ADGRB3: variants seen among roughly 807,000 people sequenced by gnomAD.
ADGRB3 encodes brain-specific angiogenesis inhibitor 3.
A neutral mutation model predicts 193.4 loss-of-function variants in ADGRB3; 37 were observed. The ratio of observed to expected loss-of-function variants is 0.19; its 90% CI spans 0.15 to 0.25. The LOEUF (loss-of-function observed/expected upper bound fraction) is 0.25. Among genes scored for constraint, ADGRB3 ranks in the 10% least tolerant of loss-of-function variants. The pLI is 1.00. For synonymous variants in ADGRB3, 690 were observed against 644.2 expected, an observed-to-expected ratio of 1.07 and a Z score of -1.08; for missense variants, 1,637 against 1,852.9, an observed-to-expected ratio of 0.88 and a Z score of 2.14.
At chr6:69,023,936 A>C (rs539723693) in intron 13 of ADGRB3, among the ~76,000 whole-genome samples, 1 of 152,258 alleles carries the variant, frequency 6.6e-6, no homozygotes, top group South Asian at 2.1e-4. Context: ...ATTCAACATA[A>C]ATTTGTGAGT....
intron 3 of ADGRB3, among the ~76,000 whole-genome samples, chr6:68,790,799 A>T (rs1767090701): frequency 6.6e-6 from 1 of 152,196 alleles, no homozygotes; most frequent in Non-Finnish European, 1.5e-5. Context: ...CGTCACCATC[A>T]TCAAAGACCA....
At chr6:68,819,517 T>C (rs902398440) in intron 3 of ADGRB3, among the ~76,000 whole-genome samples, 2 of 151,984 alleles carry the variant, frequency 1.3e-5, no homozygotes, top group African/African-American at 4.8e-5. Context: ...TTGAGTACGA[T>C]TGATACCTCT....
At chr6:68,994,663 C>A (rs1452313674) in intron 11 of ADGRB3, among the ~76,000 whole-genome samples, 1 of 152,138 alleles carries the variant, frequency 6.6e-6, no homozygotes, top group Non-Finnish European at 1.5e-5. Flanking sequence ...CAGATTAACT[C>A]TTTTTATGCT....
intron 3 of ADGRB3, among the ~76,000 whole-genome samples, chr6:68,661,146 A>C (rs571048119): frequency 1.3e-5 from 2 of 150,080 alleles, no homozygotes; most frequent in Non-Finnish European, 3.0e-5. Flanking sequence ...AATGGCAAAC[A>C]GGATTTATTT....
At chr6:68,790,534 C>G (rs1384568980) in intron 3 of ADGRB3, among the ~76,000 whole-genome samples, 1 of 152,142 alleles carries the variant, frequency 6.6e-6, no homozygotes. Context: ...TGGGAGGCAC[C>G]CCCGAGTAGG....
intron 3 of ADGRB3, among the ~76,000 whole-genome samples, chr6:68,885,808 T>C (rs1765891190): frequency 6.6e-6 from 1 of 152,098 alleles, no homozygotes; most frequent in Non-Finnish European, 1.5e-5. Flanking sequence ...AATTGACATG[T>C]TAAACGTATC....
chr6:68,699,188 T>C (rs1765202489), intron 3 of ADGRB3, among the ~76,000 whole-genome samples: 1 of 152,116 alleles, frequency 6.6e-6, no homozygotes. Context: ...GAGAAACTTG[T>C]TCTTTGAATA....
At chr6:68,938,883 C>A (rs1421892067) in intron 5 of ADGRB3, among the ~76,000 whole-genome samples, 1 of 152,142 alleles carries the variant, frequency 6.6e-6, no homozygotes, top group Non-Finnish European at 1.5e-5. Context: ...ATAAATTTAT[C>A]TAATCAGCCT....
intron 3 of ADGRB3, among the ~76,000 whole-genome samples, chr6:68,798,390 T>A (rs1423101329): frequency 6.6e-6 from 1 of 152,124 alleles, no homozygotes; most frequent in Admixed American, 6.6e-5. Context: ...GCTAATGCAA[T>A]GGAATACTAA....
chr6:69,184,222 C>CA (rs1765016890), intron 17 of ADGRB3, among the ~76,000 whole-genome samples: 1 of 151,978 alleles, frequency 6.6e-6, no homozygotes, highest in Admixed American at 6.6e-5. Context: ...TTACAATAAA[C>CA]AACAAAAAGT....
intron 17 of ADGRB3, among the ~76,000 whole-genome samples, chr6:69,210,149 C>CATATATATATATATATATATGATATAT (rs1765629419): frequency 2.5e-5 from 2 of 78,940 alleles, no homozygotes; most frequent in Non-Finnish European, 4.9e-5. Flanking sequence ...TAATATATAT[C>CATATATATATATATATATATGATATAT]ATATATATAT....
chr6:69,268,595 G>A (rs1384892819), intron 20 of ADGRB3, among the ~76,000 whole-genome samples: 3 of 152,068 alleles, frequency 2.0e-5, no homozygotes, highest in Non-Finnish European at 4.4e-5. Context: ...CTGGCCTGGG[G>A]GCCTGAGCCC....
intron 3 of ADGRB3, among the ~76,000 whole-genome samples, chr6:68,781,253 C>T (rs529374312): frequency 4.6e-5 from 7 of 152,228 alleles, no homozygotes; most frequent in African/African-American, 9.6e-5. Flanking sequence ...CTATGCCAAA[C>T]GCAGTTTTCT....
At chr6:69,086,647 A>T (rs1484797801) in intron 17 of ADGRB3, among the ~76,000 whole-genome samples, 6 of 152,124 alleles carry the variant, frequency 3.9e-5, no homozygotes, top group Non-Finnish European at 7.4e-5. Context: ...GAACAGGAAG[A>T]GGGAAATAGG....
intron 20 of ADGRB3, among the ~76,000 whole-genome samples, chr6:69,323,638 G>T (rs1768509409): frequency 1.3e-5 from 2 of 151,994 alleles, no homozygotes; most frequent in South Asian, 2.1e-4. Flanking sequence ...AGTTATATTT[G>T]GTTGGGCACT....
At chr6:69,158,070 C>G (rs893037702) in intron 17 of ADGRB3, among the ~76,000 whole-genome samples, 5 of 152,030 alleles carry the variant, frequency 3.3e-5, no homozygotes, top group African/African-American at 1.2e-4. Flanking sequence ...CTATCTTATG[C>G]CAGATCTCCT....
chr6:68,748,771 C>G (rs1766134478), intron 3 of ADGRB3, among the ~76,000 whole-genome samples: 1 of 152,222 alleles, frequency 6.6e-6, no homozygotes, highest in Non-Finnish European at 1.5e-5. Flanking sequence ...CCCCACATTT[C>G]CCTTCCACAA....
intron 15 of ADGRB3, among the ~76,000 whole-genome samples, chr6:69,061,190 C>T (rs574790504): frequency 1.3e-5 from 2 of 152,070 alleles, no homozygotes; most frequent in Admixed American, 6.6e-5. Flanking sequence ...TGAATAGCTT[C>T]CTGAGTGTTT....
rs111529589 is a variant in ADGRB3, at chr6:69,142,954, C to G, written c.2480+66916C>G. On this transcript the variant is annotated intron_variant, in intron 17 of 31. Transcript: ENST00000370598. ...ATTGCTGGATCATATGGTACCTCTT[C>G]CAAACTGTTCTCCATAGTGGTTATA... 2.4e-3 allele frequency among the ~76,000 whole-genome samples: 368 copies of G among 152,236 alleles called. 2 individuals carry two copies. The highest frequency in any genetic ancestry group is 8.5e-3 in the African/African-American group (355 of 41,542).
Sources: allele counts gnomAD v4.1 joint callset (sites outside exome capture counted in the v4.1 genomes callset), GRCh38; gene constraint gnomAD v4.1.1; transcripts MANE v1.5; gene names NCBI Gene and HGNC (gene_info 2026-07-23, HGNC 2026-07-21).